The following PKD2L2 variants were observed in gnomAD, a reference collection of about 807,000 sequenced individuals.
The protein encoded by PKD2L2 is polycystin 2 like 2, transient receptor potential cation channel.
PKD2L2 carries 67 observed loss-of-function variants against 83.9 expected under a neutral mutation model. The observed-to-expected ratio is 0.80, with a 90% CI of 0.66 to 0.98. The LOEUF is 0.98. Among genes scored for constraint, PKD2L2 ranks in the 50% least tolerant of loss-of-function variants. The pLI is 0.00. For missense variants in PKD2L2, 632 were observed against 717.2 expected (o/e 0.88, Z 1.36); for synonymous variants, 223 against 237.8 (o/e 0.94, Z 0.57).
intron 10 of PKD2L2, among the ~76,000 whole-genome samples, chr5:137,924,088 A>G (rs1759168371): frequency 6.6e-6 from 1 of 152,184 alleles, no homozygotes. Flanking sequence ...TCTAACTGCC[A>G]CCACTAGATG....
At chr5:137,915,164 T>C (rs1758209511) in intron 8 of PKD2L2, among the ~76,000 whole-genome samples, 2 of 152,186 alleles carry the variant, frequency 1.3e-5, no homozygotes, top group Non-Finnish European at 2.9e-5. Flanking sequence ...TTCCCTTCTC[T>C]TCCATTTTTG....
chr5:137,889,776 C>A (rs1460469932), intron 1 of PKD2L2, among the ~76,000 whole-genome samples: 2 of 152,122 alleles, frequency 1.3e-5, no homozygotes, highest in Non-Finnish European at 2.9e-5. Flanking sequence ...GTCGAGTGAC[C>A]GTCGCTAGGC....
chr5:137,899,784 C>A, intron 5 of PKD2L2, 47 bp downstream of exon 5: 1 of 1,045,578 alleles, frequency 9.6e-7, no homozygotes, highest in Non-Finnish European at 1.4e-6. Flanking sequence ...CAATGGCCTA[C>A]AAAACTTCTT....
intron 10 of PKD2L2, 115 bp from the exon 11 acceptor site, chr5:137,924,925 C>A: frequency 1.5e-6 from 1 of 686,010 alleles, no homozygotes; most frequent in Non-Finnish European, 2.6e-6. Context: ...CTCCACAGTC[C>A]TTTAGGGTAG....
chr5:137,926,034 T>C lies in PKD2L2; in HGVS notation c.1671+105T>C, dbSNP rs898869923. The stretch of plus-strand genomic sequence containing the variant: ...TGAAATGATTTGCTGTTTTTCAGAA[T>C]AGTAATTGTCATCTCCAAATAAATC... On this transcript the variant is annotated intron_variant, in intron 12 of 14. Transcript: ENST00000508883. 43 of 619,830 alleles carry C rather than the reference T, an allele frequency of 6.9e-5. No homozygotes were observed. In the East Asian group the frequency reaches 1.0e-3, roughly 15 times the overall value. 38.4% of individuals were successfully genotyped at this position (619,830 alleles called of 1,614,324 possible). A position where few individuals can be genotyped will look rare whatever the true frequency, so the allele number is the denominator to read the frequency against.
chr5:137,912,598 C>A (rs1177611036), intron 8 of PKD2L2, among the ~76,000 whole-genome samples: 1 of 151,898 alleles, frequency 6.6e-6, no homozygotes, highest in Non-Finnish European at 1.5e-5. Flanking sequence ...AACTCCTGAC[C>A]TCAAGTGATC....
At chr5:137,932,571 G>A (rs894078087) in intron 12 of PKD2L2, among the ~76,000 whole-genome samples, 4 of 152,044 alleles carry the variant, frequency 2.6e-5, no homozygotes, top group Non-Finnish European at 5.9e-5. Flanking sequence ...CCACTCCTAG[G>A]GCTAAGATTA....
chr5:137,939,829 A>G, intron 14 of PKD2L2: 1 of 1,271,994 alleles, frequency 7.9e-7, no homozygotes, highest in Non-Finnish European at 9.9e-7. Flanking sequence ...AGAAGAATTC[A>G]GTATGAAGAT....
chr5:137,935,920 G>A lies in PKD2L2; in HGVS notation c.1784+11G>A. On this transcript the variant is annotated intron_variant, in intron 13 of 14. Coordinates refer to ENST00000508883, the MANE Select transcript of PKD2L2 (RefSeq NM_001300921.2). Reference sequence around the variant, plus strand: ...AGAAGAATTTCGAGAGTAAGCTTATGTTCTAACCAGACTATTATGGGATAT... The same window carrying A: ...AGAAGAATTTCGAGAGTAAGCTTATATTCTAACCAGACTATTATGGGATAT... The A allele has an allele frequency of 7.4e-7, 1 of 1,344,224 alleles. No individual in the cohort carries two copies. The highest frequency in any genetic ancestry group is 1.1e-6 in the Non-Finnish European group (1 of 935,866). 83.3% of individuals were successfully genotyped at this position (1,344,224 alleles called of 1,614,324 possible).
chr5:137,923,646 C>A (rs34615501), intron 10 of PKD2L2, 125 bp downstream of exon 10: 2 of 647,054 alleles, frequency 3.1e-6, no homozygotes, highest in Non-Finnish European at 5.6e-6. Flanking sequence ...CATCCCATCC[C>A]CAGGGTTTGT....
chr5:137,923,635 C>T (rs878956349), intron 10 of PKD2L2, 114 bp downstream of exon 10: 54 of 671,884 alleles, frequency 8.0e-5, no homozygotes, highest in South Asian at 8.0e-4. Context: ...CACTCCCACC[C>T]CATCCCATCC....
At position 137,908,857 on chromosome 5, in the gene PKD2L2, G is replaced by A; in HGVS notation, c.1239G>A (p.Met413Ile). ...AAGACATAGTAGGATTTGCCATCAT[G>A]TTTTTTATAATATTCTTTGCTTATG... Reference protein sequence around the residue: ...CVKDIVGFAIMFFIIFFAYAQ... With the variant: ...CVKDIVGFAIIFFIIFFAYAQ... The change falls in exon 8 of 15, where the codon ATG becomes ATA. Residue 413 changes from methionine to isoleucine, a missense_variant. By Grantham distance (10) the Met-to-Ile change is conservative. Coordinates refer to ENST00000508883, the MANE Select transcript of PKD2L2 (RefSeq NM_001300921.2). The A allele has an allele frequency of 6.2e-7, 1 of 1,603,130 alleles. No individual in the cohort carries two copies. The highest frequency in any genetic ancestry group is 1.1e-5 in the South Asian group (1 of 90,558).
chr5:137,912,365 A>ATTTTG (rs1245975301), intron 8 of PKD2L2, among the ~76,000 whole-genome samples: 2 of 151,834 alleles, frequency 1.3e-5, no homozygotes, highest in Non-Finnish European at 2.9e-5. Context: ...GTGATATCTC[A>ATTTTG]TTTTGTTTTG....
rs150769464 is a variant in PKD2L2, at chr5:137,931,200, G to A, written c.1672-4597G>A. Among the ~76,000 whole-genome samples, 211 of 152,226 alleles carry A rather than the reference G, an allele frequency of 1.4e-3. 4 individuals are homozygous for A. Among genetic ancestry groups the A allele is most frequent in the Middle Eastern group, 0.01 (3 of 294 alleles). On this transcript the variant is annotated intron_variant, in intron 12 of 14. Coordinates refer to ENST00000508883, the MANE Select transcript of PKD2L2 (RefSeq NM_001300921.2). ...AACAAATCCATTCTGTAGAAGAAAT[G>A]AAGTCATCAAAGAGCTGTCTCCAAA... is the stretch of plus-strand genomic sequence containing the variant.
At chr5:137,889,553 C>A in intron 1 of PKD2L2, 31 bp downstream of exon 1, 1 of 1,520,106 alleles carries the variant, frequency 6.6e-7, no homozygotes, top group Non-Finnish European at 8.7e-7. Context: ...GTGGGAGGGA[C>A]AGGGGCGATT....
At chr5:137,933,090 C>T (rs1221910021) in intron 12 of PKD2L2, among the ~76,000 whole-genome samples, 2 of 149,596 alleles carry the variant, frequency 1.3e-5, no homozygotes, top group African/African-American at 4.9e-5. Flanking sequence ...TCCCCTCTAT[C>T]CTGCAAATAC....
chr5:137,909,360 A>C (rs78526257), intron 8 of PKD2L2, among the ~76,000 whole-genome samples: 2,817 of 152,182 alleles, frequency 0.019, 78 homozygotes, highest in African/African-American at 0.064. Context: ...TATCTGTCAC[A>C]TTCAAATTAG....
At chr5:137,906,994 C>G (rs1047831373) in intron 6 of PKD2L2, among the ~76,000 whole-genome samples, 7 of 152,172 alleles carry the variant, frequency 4.6e-5, no homozygotes, top group African/African-American at 1.7e-4. Flanking sequence ...CTGAAATAAA[C>G]AGAGATTTAG....
intron 8 of PKD2L2, among the ~76,000 whole-genome samples, chr5:137,920,867 T>C (rs1212907251): frequency 6.6e-6 from 1 of 152,178 alleles, no homozygotes; most frequent in East Asian, 1.9e-4. Context: ...CCCTATTTTA[T>C]CAGAATTTAA....
Sources: allele counts gnomAD v4.1 joint callset (sites outside exome capture counted in the v4.1 genomes callset), GRCh38; gene constraint gnomAD v4.1.1; transcripts MANE v1.5; gene names NCBI Gene and HGNC (gene_info 2026-07-23, HGNC 2026-07-21).